Variants in SEC24A observed in about 807,000 individuals in gnomAD.
SEC24A encodes the protein SEC24 homolog A, COPII component.
Under a neutral mutation model 129.4 loss-of-function variants are expected in SEC24A, and 93 were observed. The ratio of observed to expected loss-of-function variants is 0.72; its 90% CI spans 0.61 to 0.85. The LOEUF (loss-of-function observed/expected upper bound fraction) is 0.85. Among genes scored for constraint, SEC24A ranks in the 40% least tolerant of loss-of-function variants. The probability of loss-of-function intolerance (pLI) is 0.00; values close to 1 mark genes in which losing one functional copy is unlikely to be tolerated. For synonymous variants in SEC24A, 460 were observed against 467.3 expected, an observed-to-expected ratio of 0.98 and a Z score of 0.20; for missense variants, 1,264 against 1,307.4, an observed-to-expected ratio of 0.97 and a Z score of 0.51.
At position 134,697,154 on chromosome 5, in the gene SEC24A, T is replaced by G; in HGVS notation, c.2015T>G (p.Phe672Cys). 1 of 1,558,376 alleles carries G rather than the reference T, an allele frequency of 6.4e-7. No individual in the cohort carries two copies. The highest frequency in any genetic ancestry group is 8.8e-7 in the Non-Finnish European group (1 of 1,134,054). Residue 672 changes from phenylalanine (F) to cysteine (C), a missense_variant, in exon 14 of 23, where the codon TTC becomes TGC. By Grantham distance (205) the Phe-to-Cys change is radical. Transcript: ENST00000398844. ...ATACACATGACACCATCCACTGACT[T>G]CTATAAGAAATTAGCCTTGGACTGT... ...KDIHMTPSTD[F>C]YKKLALDCSG...
intron 12 of SEC24A, chr5:134,693,525 A>G: frequency 7.0e-7 from 1 of 1,424,742 alleles, no homozygotes; most frequent in Non-Finnish European, 9.1e-7. Context: ...TGTAAGGCCC[A>G]ACTTTGATTT....
At chr5:134,668,200 A>G (rs1425546863) in intron 3 of SEC24A, among the ~76,000 whole-genome samples, 2 of 152,214 alleles carry the variant, frequency 1.3e-5, no homozygotes, top group Admixed American at 6.5e-5. Context: ...ACCATTGCCC[A>G]TATTCTACTA....
At chr5:134,723,510 G>C in intron 21 of SEC24A, 57 bp from the exon 22 acceptor site, 1 of 1,063,520 alleles carries the variant, frequency 9.4e-7, no homozygotes, top group Non-Finnish European at 1.4e-6. Context: ...AAGTACCATA[G>C]ACCATACATT....
At chr5:134,668,722 A>G (rs988080326) in intron 3 of SEC24A, among the ~76,000 whole-genome samples, 3 of 149,632 alleles carry the variant, frequency 2.0e-5, no homozygotes, top group Non-Finnish European at 4.5e-5. Context: ...GCAAAACTCC[A>G]TCACACACAC....
At chr5:134,696,606 C>G (rs1000104272) in intron 13 of SEC24A, among the ~76,000 whole-genome samples, 1 of 152,058 alleles carries the variant, frequency 6.6e-6, no homozygotes, top group African/African-American at 2.4e-5. Flanking sequence ...TCATGCCATT[C>G]TCCTGCCTCA....
At chr5:134,692,111 G>A (rs1172525746) in intron 11 of SEC24A, among the ~76,000 whole-genome samples, 1 of 144,954 alleles carries the variant, frequency 6.9e-6, no homozygotes, top group Non-Finnish European at 1.5e-5. Flanking sequence ...TAGCCTGGGA[G>A]TGCAGTGGTG....
intron 19 of SEC24A, among the ~76,000 whole-genome samples, chr5:134,717,272 G>C (rs1435209638): frequency 1.3e-5 from 2 of 152,106 alleles, no homozygotes; most frequent in African/African-American, 2.4e-5. Flanking sequence ...GGGAGGCCGA[G>C]GCAGGTGGAT....
intron 3 of SEC24A, among the ~76,000 whole-genome samples, chr5:134,668,269 T>G (rs948273099): frequency 2.6e-5 from 4 of 152,182 alleles, no homozygotes; most frequent in African/African-American, 9.7e-5. Context: ...TTAAGTATTA[T>G]AAGTCGGGAA....
At chr5:134,720,561 T>C (rs1752601004) in intron 20 of SEC24A, among the ~76,000 whole-genome samples, 1 of 152,204 alleles carries the variant, frequency 6.6e-6, no homozygotes, top group Admixed American at 6.5e-5. Flanking sequence ...ATTAATTCAG[T>C]TAAAGGCTGT....
intron 22 of SEC24A, among the ~76,000 whole-genome samples, chr5:134,724,483 G>T (rs545433570): frequency 9.2e-5 from 14 of 152,008 alleles, no homozygotes; most frequent in Admixed American, 2.0e-4. Flanking sequence ...AGCTACTCGG[G>T]AGGCTGAGGC....
In SEC24A at chr5:134,697,193, T is replaced by C. The variant is rs777744544; in HGVS notation, c.2054T>C (p.Val685Ala). ...KLALDCSGQQVAVDLFLLSGQ... is the reference protein window; with the variant it reads ...KLALDCSGQQAAVDLFLLSGQ... ...GCCTTGGACTGTTCTGGTCAGCAAG[T>C]TGCTGTTGACTTATTCCTTCTCAGT... Residue 685 changes from valine to alanine, a missense_variant, in exon 14 of 23, where the codon GTT (valine) becomes GCT (alanine). By Grantham distance (64) the Val-to-Ala change is moderately conservative (BLOSUM62 0). Coordinates refer to ENST00000398844, the MANE Select transcript of SEC24A (RefSeq NM_021982.3). 6.2e-7 allele frequency: 1 copy of C among 1,605,522 alleles called. No individual in the cohort carries two copies. The highest frequency in any genetic ancestry group is 1.1e-5 in the South Asian group (1 of 90,278).
chr5:134,723,692 C>T, intron 22 of SEC24A, 22 bp downstream of exon 22: 1 of 1,430,680 alleles, frequency 7.0e-7, no homozygotes, highest in Non-Finnish European at 9.9e-7. Context: ...TTTCCATTTG[C>T]TAGTAGTAAA....
intron 5 of SEC24A, 48 bp downstream of exon 5, chr5:134,674,823 A>G (rs1751002200): frequency 6.4e-7 from 1 of 1,550,982 alleles, no homozygotes; most frequent in African/African-American, 1.4e-5. Context: ...TTTGGTTTAA[A>G]CTGTATACAC....
chr5:134,662,515 G>A (rs1750509514), intron 2 of SEC24A, among the ~76,000 whole-genome samples: 1 of 152,144 alleles, frequency 6.6e-6, no homozygotes, highest in Admixed American at 6.6e-5. Flanking sequence ...ACAGCCTCAA[G>A]TTTATGAAAT....
At chr5:134,694,434 C>T (rs1378483073) in intron 13 of SEC24A, among the ~76,000 whole-genome samples, 1 of 151,526 alleles carries the variant, frequency 6.6e-6, no homozygotes, top group East Asian at 1.9e-4. Context: ...CTGAGGCGGG[C>T]GGATCACGAG....
chr5:134,676,530 G>A (rs1751072591), intron 7 of SEC24A, among the ~76,000 whole-genome samples: 1 of 136,700 alleles, frequency 7.3e-6, no homozygotes, highest in African/African-American at 2.7e-5. Context: ...CGCAATCTCC[G>A]CCTCCCAGGT....
intron 20 of SEC24A, among the ~76,000 whole-genome samples, chr5:134,719,681 C>T (rs1316741224): frequency 6.1e-5 from 9 of 148,182 alleles, no homozygotes; most frequent in Non-Finnish European, 1.2e-4. Context: ...GAACAAGGCC[C>T]TGTCTCAAAA....
At chr5:134,702,866 G>A (rs1456862326) in intron 15 of SEC24A, among the ~76,000 whole-genome samples, 1 of 151,934 alleles carries the variant, frequency 6.6e-6, no homozygotes. Flanking sequence ...TCAGGTTCAA[G>A]CGATTCTCCT....
chr5:134,679,591 T>G lies in SEC24A; in HGVS notation c.1255-11T>G, dbSNP rs749433036. ...GCCTTTAAAAATTTAATTCTGTTTT[T>G]TTTTTTCCAGCAATTGCCTGTGGTT... On this transcript the variant is annotated splice_polypyrimidine_tract_variant and intron_variant, in intron 7 of 22. Coordinates refer to ENST00000398844, the MANE Select transcript of SEC24A (RefSeq NM_021982.3). The G allele has an allele frequency of 1.3e-6, 2 of 1,555,356 alleles. No homozygotes were observed. The highest frequency in any genetic ancestry group is 2.4e-5 in the South Asian group (2 of 82,718).
Sources: allele counts gnomAD v4.1 joint callset (sites outside exome capture counted in the v4.1 genomes callset), GRCh38; gene constraint gnomAD v4.1.1; transcripts MANE v1.5; gene names NCBI Gene and HGNC (gene_info 2026-07-23, HGNC 2026-07-21).